LY6S: variants seen among roughly 807,000 people sequenced by gnomAD.
The protein encoded by LY6S is lymphocyte antigen 6 family member S.
chr8:143,051,234 C>T, the LY6S span, among the ~76,000 whole-genome samples: 100 of 152,250 alleles, frequency 6.6e-4, no homozygotes, highest in African/African-American at 2.3e-3. Context: ...ATTCTCTTGA[C>T]GTAAATCCAT....
At chr8:143,059,612 C>T in the LY6S span, 3 of 152,008 alleles carry the variant, frequency 2.0e-5, no homozygotes, top group Admixed American at 1.3e-4. Flanking sequence ...ACTATAGGCA[C>T]GCACGACCAC....
At chr8:143,048,182 A>G in the LY6S span, among the ~76,000 whole-genome samples, 1 of 152,146 alleles carries the variant, frequency 6.6e-6, no homozygotes, top group Non-Finnish European at 1.5e-5. Context: ...TGGTTTGCCC[A>G]GGGCTGTTTC....
chr8:143,069,557 A>G, the LY6S span, among the ~76,000 whole-genome samples: 1 of 152,190 alleles, frequency 6.6e-6, no homozygotes, highest in Admixed American at 6.5e-5. Flanking sequence ...CATAGTTGCG[A>G]TGATGCCAGC....
the LY6S span, chr8:143,044,245 C>T: frequency 2.0e-5 from 9 of 456,070 alleles, no homozygotes; most frequent in African/African-American, 1.4e-4. Context: ...GTGAGACCCG[C>T]GGCATGAAGT....
chr8:143,044,085 G>A, the LY6S span: 1 of 455,014 alleles, frequency 2.2e-6, no homozygotes, highest in East Asian at 7.0e-5. Flanking sequence ...GCCTGGGCAG[G>A]CTGCAGCCCC....
the LY6S span, among the ~76,000 whole-genome samples, chr8:143,070,823 C>G: frequency 1.3e-5 from 2 of 152,028 alleles, no homozygotes; most frequent in South Asian, 2.1e-4. Context: ...TTCATTTCTT[C>G]TCTCACTCCT....
chr8:143,042,890 G>A, the LY6S span: 7 of 694,428 alleles, frequency 1.0e-5, no homozygotes, highest in East Asian at 5.4e-5. Flanking sequence ...GGTGTTGTTG[G>A]GGGGCATGGG....
At chr8:143,059,606 T>C in the LY6S span, 2 of 152,150 alleles carry the variant, frequency 1.3e-5, no homozygotes, top group African/African-American at 2.4e-5. Flanking sequence ...TATGGGACTA[T>C]AGGCACGCAC....
At chr8:143,053,431 A>G in the LY6S span, 14,629 of 152,226 alleles carry the variant, frequency 0.096, 943 homozygotes, top group Middle Eastern at 0.2. Flanking sequence ...TCTATTAAAC[A>G]TAACTCAACC....
the LY6S span, among the ~76,000 whole-genome samples, chr8:143,048,853 A>G: frequency 6.6e-6 from 1 of 151,958 alleles, no homozygotes; most frequent in African/African-American, 2.4e-5. Context: ...TGGTCCTTCA[A>G]CTGGCGTTCT....
chr8:143,065,964 C>T, the LY6S span: 11 of 319,888 alleles, frequency 3.4e-5, no homozygotes, highest in Admixed American at 2.2e-4. Context: ...AGGTCTAAAT[C>T]GAGGCGGGGG....
the LY6S span, chr8:143,066,148 A>ATTTCTTTTCTCTTCT: frequency 4.0e-6 from 1 of 252,656 alleles, no homozygotes; most frequent in South Asian, 4.0e-5. Context: ...CCAATGATGA[A>ATTTCTTTTCTCTTCT]TTTCTTTTCT....
chr8:143,041,961 A>C, the LY6S span, among the ~76,000 whole-genome samples: 15 of 342 alleles, frequency 0.044, 1 homozygote, highest in African/African-American at 0.18. Context: ...CTCCAGGCTG[A>C]GACGGCCGTC....
chr8:143,050,669 G>T, the LY6S span, among the ~76,000 whole-genome samples: 6 of 152,150 alleles, frequency 3.9e-5, no homozygotes, highest in Admixed American at 3.9e-4. Context: ...ATGCCAGCCT[G>T]TTCCTGGGAG....
chr8:143,072,206 T>TTGAGAAGGCAGCCATTGTC, the LY6S span, among the ~76,000 whole-genome samples: 1 of 124,956 alleles, frequency 8.0e-6, no homozygotes, highest in South Asian at 2.6e-4. Context: ...CAGCCGTCAT[T>TTGAGAAGGCAGCCATTGTC]CTGGGGGTTC....
At chr8:143,072,577 C>T in the LY6S span, among the ~76,000 whole-genome samples, 319 of 130,992 alleles carry the variant, frequency 2.4e-3, 3 homozygotes, top group Admixed American at 0.012. Flanking sequence ...AGACAGCCGT[C>T]GTCCTCGGGG....
At chr8:143,065,698 C>A in the LY6S span, among the ~76,000 whole-genome samples, 1 of 152,092 alleles carries the variant, frequency 6.6e-6, no homozygotes, top group African/African-American at 2.4e-5. Context: ...CCATGCCGGG[C>A]GCAGGACTTG....
the LY6S span, among the ~76,000 whole-genome samples, chr8:143,073,054 G>A: frequency 3.1e-5 from 3 of 98,350 alleles, no homozygotes; most frequent in African/African-American, 5.3e-5. Context: ...GACAGCCGTC[G>A]TCCTCGGGGT....
chr8:143,072,890 G>A, the LY6S span, among the ~76,000 whole-genome samples: 4 of 117,718 alleles, frequency 3.4e-5, no homozygotes, highest in African/African-American at 1.3e-4. Context: ...CGTCGTCCCC[G>A]GGGTCCCTGT....
Sources: allele counts gnomAD v4.1 joint callset (sites outside exome capture counted in the v4.1 genomes callset), GRCh38; gene constraint gnomAD v4.1.1; transcripts MANE v1.5; gene names NCBI Gene and HGNC (gene_info 2026-07-23, HGNC 2026-07-21).